GFM2: variants seen among roughly 807,000 people sequenced by gnomAD.
The protein encoded by GFM2 is GTP dependent ribosome recycling factor mitochondrial 2.
A neutral mutation model predicts 95.4 loss-of-function variants in GFM2; 72 were observed. The observed-to-expected ratio is 0.76, with a 90% CI of 0.62 to 0.92. The LOEUF is 0.92. GFM2 is among the 40% of genes least tolerant of loss of function. GFM2 has a pLI of 0.00. For missense variants in GFM2, 825 were observed against 924.1 expected, an observed-to-expected ratio of 0.89 and a Z score of 1.39; for synonymous variants, 276 against 317.5, an observed-to-expected ratio of 0.87 and a Z score of 1.39.
At chr5:74,749,815 T>A (rs568566663) in intron 7 of GFM2, among the ~76,000 whole-genome samples, 1 of 152,334 alleles carries the variant, frequency 6.6e-6, no homozygotes, top group East Asian at 1.9e-4. Context: ...GTTCCAGGAA[T>A]CAACTTTTGT....
In GFM2 at chr5:74,740,089, C is replaced by A. The variant is rs150296436; in HGVS notation, c.979G>T (p.Val327Leu). 1.3e-4 allele frequency: 213 copies of A among 1,608,076 alleles called. No homozygotes were observed. In the African/African-American group the frequency reaches 2.6e-3, roughly 20 times the overall value. Residue 327 changes from valine to leucine, a missense_variant, in exon 12 of 21, where the codon GTG (valine) becomes TTG (leucine). Val to Leu is a conservative substitution (Grantham distance 32, BLOSUM62 1). Transcript: ENST00000296805. The stretch of plus-strand genomic sequence containing the variant: ...TTTTTCAGGGCACTTCCACAAAGCA[C>A]AGGCACTGCTGTCTGAGCTAGTGTC... ...RVTLAQTAVP[V>L]LCGSALKNKG...
chr5:74,764,476 C>T (rs1421120089), intron 1 of GFM2, among the ~76,000 whole-genome samples: 2 of 152,156 alleles, frequency 1.3e-5, no homozygotes, highest in Non-Finnish European at 2.9e-5. Context: ...CGTAAACTTT[C>T]TTAAAATATT....
chr5:74,747,348 T>C (rs2112303414), intron 8 of GFM2, among the ~76,000 whole-genome samples: 1 of 152,324 alleles, frequency 6.6e-6, no homozygotes, highest in Middle Eastern at 3.4e-3. Flanking sequence ...TTAGCGATGA[T>C]GGGAAGCGCC....
intron 17 of GFM2, among the ~76,000 whole-genome samples, chr5:74,726,514 G>A (rs1479564924): frequency 1.3e-5 from 2 of 151,220 alleles, no homozygotes; most frequent in Non-Finnish European, 2.9e-5. Context: ...GTAAGCTAAT[G>A]AAAATTAAAC....
intron 1 of GFM2, among the ~76,000 whole-genome samples, chr5:74,764,288 T>G (rs1365357705): frequency 6.6e-6 from 1 of 152,228 alleles, no homozygotes; most frequent in Non-Finnish European, 1.5e-5. Flanking sequence ...TTAAAAACAT[T>G]TGCTAAATAT....
chr5:74,749,239 TC>T (rs767699099), intron 7 of GFM2, among the ~76,000 whole-genome samples: 2 of 152,008 alleles, frequency 1.3e-5, no homozygotes, highest in Non-Finnish European at 2.9e-5. Context: ...GGTCTCTAAT[TC>T]CTGGGCTCAA....
intron 5 of GFM2, among the ~76,000 whole-genome samples, chr5:74,752,126 G>A (rs367772714): frequency 6.6e-6 from 1 of 152,126 alleles, no homozygotes. Flanking sequence ...CCAAAGAGAA[G>A]GGATTTAGTT....
chr5:74,741,336 G>GA (rs1743093780), intron 11 of GFM2, among the ~76,000 whole-genome samples, 193 bp downstream of exon 11: 1 of 151,948 alleles, frequency 6.6e-6, no homozygotes, highest in Non-Finnish European at 1.5e-5. Context: ...AAGTATATAT[G>GA]AAAGTAATAA....
chr5:74,763,769 GA>G lies in GFM2; in HGVS notation c.-24-4del. On this transcript the variant is annotated splice_region_variant and splice_polypyrimidine_tract_variant and intron_variant, in intron 1 of 20. Transcript: ENST00000296805. Reference sequence around the variant, plus strand: ...TTGATCCTCCAAACTGTTACTGTCTGAAAAAATAAATATACAAAATCAAAAA... The same window carrying G: ...TTGATCCTCCAAACTGTTACTGTCTGAAAAATAAATATACAAAATCAAAAA... The G allele has an allele frequency of 6.3e-7, 1 of 1,586,072 alleles. No homozygotes were observed. Among genetic ancestry groups the G allele is most frequent in the Non-Finnish European group, 8.6e-7 (1 of 1,157,366 alleles).
chr5:74,722,661 CT>C (rs1749963200), intron 19 of GFM2, 100 bp from the exon 20 acceptor site: 2 of 911,848 alleles, frequency 2.2e-6, no homozygotes, highest in Non-Finnish European at 3.3e-6. Context: ...TGCTTTAACT[CT>C]CTCTTTAAAG....
intron 3 of GFM2, among the ~76,000 whole-genome samples, chr5:74,760,626 T>TTA (rs1295454737): frequency 4.6e-5 from 7 of 152,182 alleles, no homozygotes; most frequent in African/African-American, 1.2e-4. Context: ...CACTCTACAA[T>TTA]TACACTCACA....
chr5:74,726,773 G>A (rs1750167718), intron 17 of GFM2, among the ~76,000 whole-genome samples: 2 of 152,116 alleles, frequency 1.3e-5, no homozygotes, highest in African/African-American at 4.8e-5. Flanking sequence ...GTAATGCAGT[G>A]ATTCATGGCC....
At chr5:74,728,671 T>C (rs1472365878) in intron 17 of GFM2, among the ~76,000 whole-genome samples, 1 of 152,020 alleles carries the variant, frequency 6.6e-6, no homozygotes, top group Non-Finnish European at 1.5e-5. Context: ...TATTGCCTTT[T>C]TGCTCATTGT....
At position 74,722,777 on chromosome 5, in the gene GFM2, T is replaced by C. The variant is rs548598663; in HGVS notation, c.2029-216A>G. The C allele has an allele frequency of 1.9e-5, 8 of 419,152 alleles. No individual in the cohort carries two copies. In the East Asian group the frequency reaches 2.6e-4, roughly 13 times the overall value. 26.0% of individuals were successfully genotyped at this position (419,152 alleles called of 1,614,324 possible). On this transcript the variant is annotated intron_variant, in intron 19 of 20. Transcript: ENST00000296805. ...ATGGTATGATGCAAGGGGATGTTTA[T>C]AAAAAATGCCTGTGAACATGTGGTC... is the stretch of plus-strand genomic sequence containing the variant.
At chr5:74,760,849 A>G in intron 3 of GFM2, 53 bp downstream of exon 3, 1 of 1,132,048 alleles carries the variant, frequency 8.8e-7, no homozygotes, top group Non-Finnish European at 1.3e-6. Context: ...AAGAGAGAGA[A>G]AAGAGATAAA....
chr5:74,725,024 C>T (rs539645062), intron 19 of GFM2: 3 of 152,174 alleles, frequency 2.0e-5, no homozygotes, highest in Non-Finnish European at 4.4e-5. Flanking sequence ...TAGCCTGAAT[C>T]TGTTATTCAG....
chr5:74,751,673 A>C (rs1218446231), intron 5 of GFM2, among the ~76,000 whole-genome samples, 180 bp from the exon 6 acceptor site: 1 of 152,336 alleles, frequency 6.6e-6, no homozygotes, highest in East Asian at 1.9e-4. Context: ...TTTTTCAGCT[A>C]GATTAGTAAC....
At chr5:74,748,924 A>T (rs1270521270) in intron 7 of GFM2, among the ~76,000 whole-genome samples, 1 of 138,608 alleles carries the variant, frequency 7.2e-6, no homozygotes, top group Non-Finnish European at 1.6e-5. Flanking sequence ...AAATAAAAAA[A>T]AATAAAAAAA....
chr5:74,725,661 A>T lies in GFM2; in HGVS notation c.2007T>A (p.Cys669Ter). 1 of 1,612,854 alleles carries T rather than the reference A, an allele frequency of 6.2e-7. No homozygotes were observed. Among genetic ancestry groups the T allele is most frequent in the Non-Finnish European group, 8.5e-7 (1 of 1,178,896 alleles). The change falls in exon 19 of 21, where the codon TGT (cysteine) becomes TGA (stop). Residue 669 changes from cysteine (C) to a stop codon, truncating the protein, a stop_gained. Coordinates refer to ENST00000296805, the MANE Select transcript of GFM2 (RefSeq NM_032380.5). LOFTEE classifies it high-confidence loss of function. ...ATACCTTTTGCACGCATCTTGAGAC[A>T]CAGGCAGAAATCATAGTTGTGGAGG... ...PGTSTTMISA[C>*]VSRCVQKALK...
Sources: gnomAD v4.1 joint callset for allele counts (sites outside exome capture counted in the v4.1 genomes callset) on GRCh38, gnomAD v4.1.1 for gene constraint, MANE v1.5 for transcripts, NCBI Gene and HGNC (gene_info 2026-07-23, HGNC 2026-07-21) for gene names.